The following COL14A1 variants were observed in gnomAD, a reference collection of about 807,000 sequenced individuals.
COL14A1 encodes collagen alpha-1(XIV) chain.
Under a neutral mutation model 230.3 loss-of-function variants are expected in COL14A1, and 136 were observed. The ratio of observed to expected loss-of-function variants is 0.59; its 90% CI spans 0.51 to 0.68. The LOEUF is 0.68. COL14A1 is among the 30% of genes least tolerant of loss of function. The pLI is 0.00. For missense variants in COL14A1, 1,976 were observed against 2,215.8 expected (o/e 0.89, Z 2.17); for synonymous variants, 792 against 784.1 (o/e 1.01, Z -0.17).
chr8:120,163,036 A>G (rs1355297008), intron 4 of COL14A1, among the ~76,000 whole-genome samples: 2 of 152,202 alleles, frequency 1.3e-5, no homozygotes, highest in Non-Finnish European at 2.9e-5. Flanking sequence ...CTCCATGAAT[A>G]TGAATGTCTG....
chr8:120,155,121 G>A (rs750633865), intron 2 of COL14A1, among the ~76,000 whole-genome samples: 5 of 151,954 alleles, frequency 3.3e-5, no homozygotes, highest in Non-Finnish European at 7.4e-5. Context: ...TGACTGTGAG[G>A]GTATTTATGC....
chr8:120,243,819 A>T, intron 19 of COL14A1, 60 bp from the exon 20 acceptor site: 1 of 1,579,860 alleles, frequency 6.3e-7, no homozygotes, highest in Non-Finnish European at 8.6e-7. Flanking sequence ...GTTATGCTCC[A>T]TTACCAAATC....
At chr8:120,172,308 G>A (rs1437526735) in intron 5 of COL14A1, among the ~76,000 whole-genome samples, 1 of 151,960 alleles carries the variant, frequency 6.6e-6, no homozygotes, top group Non-Finnish European at 1.5e-5. Context: ...CCACCATCAT[G>A]CCCAGCTAAT....
At chr8:120,212,958 A>C (rs1817655122) in intron 13 of COL14A1, among the ~76,000 whole-genome samples, 1 of 152,228 alleles carries the variant, frequency 6.6e-6, no homozygotes, top group Non-Finnish European at 1.5e-5. Flanking sequence ...ATTGTATAAA[A>C]GGAAGAACAA....
At chr8:120,145,555 G>A (rs1268016548) in intron 1 of COL14A1, among the ~76,000 whole-genome samples, 3 of 152,156 alleles carry the variant, frequency 2.0e-5, no homozygotes, top group African/African-American at 4.8e-5. Context: ...GGAGGCAAAG[G>A]TTGCAGTGAG....
chr8:120,264,350 T>C (rs1309257804), intron 24 of COL14A1, among the ~76,000 whole-genome samples: 1 of 152,208 alleles, frequency 6.6e-6, no homozygotes, highest in Non-Finnish European at 1.5e-5. Context: ...CATATAGTTT[T>C]GAAGTTAATA....
intron 42 of COL14A1, among the ~76,000 whole-genome samples, chr8:120,338,583 G>T (rs1247701466): frequency 6.6e-6 from 1 of 152,130 alleles, no homozygotes; most frequent in Non-Finnish European, 1.5e-5. Flanking sequence ...AATCTTATAG[G>T]AGTATTGTAA....
In COL14A1 at chr8:120,287,521, T is replaced by C. The variant is rs368241797; in HGVS notation, c.4077+1551T>C. On this transcript the variant is annotated intron_variant, in intron 33 of 47. Transcript: ENST00000297848. The stretch of plus-strand genomic sequence containing the variant: ...GTCATTTTAGCCCATGGTTTAGGCA[T>C]GAACTTGTAATTCTCATTCCAAAGA... Among the ~76,000 whole-genome samples, 49 of 152,350 alleles carry C rather than the reference T, an allele frequency of 3.2e-4. No homozygotes were observed. In the East Asian group the frequency reaches 4.0e-3, roughly 13 times the overall value.
chr8:120,161,549 T>C (rs1427579049), intron 3 of COL14A1, among the ~76,000 whole-genome samples: 1 of 152,216 alleles, frequency 6.6e-6, no homozygotes, highest in Non-Finnish European at 1.5e-5. Flanking sequence ...CCATTTGTGG[T>C]CAGATTTAAG....
intron 40 of COL14A1, among the ~76,000 whole-genome samples, chr8:120,326,498 C>A (rs942669271): frequency 6.6e-6 from 1 of 152,210 alleles, no homozygotes; most frequent in African/African-American, 2.4e-5. Flanking sequence ...AATAAAAAAT[C>A]TTTCAAAGGC....
chr8:120,198,124 AATG>A (rs1817106602), intron 7 of COL14A1, among the ~76,000 whole-genome samples, 194 bp downstream of exon 7: 1 of 152,142 alleles, frequency 6.6e-6, no homozygotes, highest in Non-Finnish European at 1.5e-5. Flanking sequence ...CTATGACTAT[AATG>A]TCCCAGGAAG....
chr8:120,323,533 G>A (rs188117881), intron 40 of COL14A1, among the ~76,000 whole-genome samples: 2 of 151,998 alleles, frequency 1.3e-5, no homozygotes, highest in African/African-American at 4.8e-5. Context: ...TGTCTTCCAG[G>A]GTTTTTATAG....
intron 10 of COL14A1, 152 bp from the exon 11 acceptor site, chr8:120,208,080 A>G: frequency 1.5e-6 from 1 of 671,728 alleles, no homozygotes; most frequent in South Asian, 2.5e-5. Flanking sequence ...AGGAATTCAA[A>G]GAGAGTTGAC....
chr8:120,194,181 C>A (rs776810529), intron 5 of COL14A1, among the ~76,000 whole-genome samples: 1 of 152,196 alleles, frequency 6.6e-6, no homozygotes, highest in South Asian at 2.1e-4. Flanking sequence ...CATTCCTATT[C>A]GGCCATCTTG....
intron 1 of COL14A1, among the ~76,000 whole-genome samples, chr8:120,146,217 G>A (rs962385024): frequency 6.6e-6 from 1 of 152,090 alleles, no homozygotes; most frequent in Admixed American, 6.5e-5. Context: ...ATACAGCAAG[G>A]GCTCAATACA....
At chr8:120,330,911 G>A (rs933732508) in intron 40 of COL14A1, among the ~76,000 whole-genome samples, 5 of 152,068 alleles carry the variant, frequency 3.3e-5, no homozygotes, top group Admixed American at 3.3e-4. Flanking sequence ...TTCGAGACGA[G>A]TCTGACGAAC....
chr8:120,370,477 C>T, intron 47 of COL14A1: 3 of 1,524,170 alleles, frequency 2.0e-6, no homozygotes, highest in Non-Finnish European at 1.8e-6. Flanking sequence ...ACAATGGACA[C>T]TCTGCTTCCC....
intron 13 of COL14A1, chr8:120,213,889 T>C (rs1159536517): frequency 2.5e-6 from 1 of 401,542 alleles, no homozygotes; most frequent in Non-Finnish European, 4.8e-6. Context: ...ATGTGCACAC[T>C]ACTTAATTAT....
chr8:120,306,487 A>C (rs1820862564), intron 36 of COL14A1, among the ~76,000 whole-genome samples: 1 of 152,218 alleles, frequency 6.6e-6, no homozygotes, highest in Admixed American at 6.5e-5. Context: ...AGCAATATGT[A>C]ATAAATTCTG....
Sources: gnomAD v4.1 joint callset for allele counts (sites outside exome capture counted in the v4.1 genomes callset) on GRCh38, gnomAD v4.1.1 for gene constraint, MANE v1.5 for transcripts, NCBI Gene and HGNC (gene_info 2026-07-23, HGNC 2026-07-21) for gene names.